The following GPD1L variants were observed in gnomAD, a reference collection of about 807,000 sequenced individuals.
The protein encoded by GPD1L is glycerol-3-phosphate dehydrogenase 1-like protein.
A neutral mutation model predicts 32.9 loss-of-function variants in GPD1L; 17 were observed. That is an observed-to-expected ratio of 0.52 (90% CI 0.35 to 0.78). The LOEUF (loss-of-function observed/expected upper bound fraction) is 0.78. Ranked by LOEUF, GPD1L falls within the 30% of genes least tolerant of loss-of-function variation. The pLI is 0.01. For missense variants in GPD1L, 361 were observed against 447.8 expected, an observed-to-expected ratio of 0.81 and a Z score of 1.75; for synonymous variants, 187 against 165.9, an observed-to-expected ratio of 1.13 and a Z score of -0.98.
chr3:32,159,690 GC>G lies in GPD1L; in HGVS notation c.959+19del. 1 of 1,406,878 alleles carries G rather than the reference GC, an allele frequency of 7.1e-7. No homozygotes were observed. The highest frequency in any genetic ancestry group is 1.0e-6 in the Non-Finnish European group (1 of 991,050). The allele number at this position is 1,406,878 out of a possible 1,614,324, so 87.1% of individuals were successfully genotyped here. A position where few individuals can be genotyped will look rare whatever the true frequency, so the allele number is the denominator to read the frequency against. ...TACTGGACAAGTAAGTCTCTCAGTC[GC>G]CCATGAGACCAGATAAATGTCCATC... On this transcript the variant is annotated intron_variant, in intron 7 of 7. Transcript: ENST00000282541.
At chr3:32,121,783 T>TTCTATATATATATATATA in intron 1 of GPD1L, among the ~76,000 whole-genome samples, 1 of 141,780 alleles carries the variant, frequency 7.1e-6, no homozygotes, top group African/African-American at 2.7e-5. Flanking sequence ...ATATATATAT[T>TTCTATATATATATATATA]TTTTTTAGGC....
Position 32,140,371 on chromosome 3 carries a change from G to A in GPD1L, c.505+5G>A. 1 of 1,614,058 alleles carries A rather than the reference G, an allele frequency of 6.2e-7. No individual in the cohort carries two copies. The highest frequency in any genetic ancestry group is 8.5e-7 in the Non-Finnish European group (1 of 1,179,970). ...AGTTCTGTGAGACCACCATCGGTAA[G>A]CACTGCCTGGGAGGGACCCCAGGAG... On this transcript the variant is annotated splice_donor_5th_base_variant and intron_variant, in intron 4 of 7. Transcript: ENST00000282541.
At chr3:32,150,263 A>G (rs897689029) in intron 5 of GPD1L, among the ~76,000 whole-genome samples, 10 of 152,228 alleles carry the variant, frequency 6.6e-5, no homozygotes, top group Admixed American at 5.2e-4. Flanking sequence ...GTTTGTTTTA[A>G]TATAAATTTT....
chr3:32,164,679 C>CA (rs547050082), intron 7 of GPD1L, among the ~76,000 whole-genome samples: 3 of 151,622 alleles, frequency 2.0e-5, no homozygotes, highest in Non-Finnish European at 4.4e-5. Context: ...TACCTGACTC[C>CA]AAAAAAATAA....
chr3:32,143,958 G>C (rs1304751562), intron 4 of GPD1L, among the ~76,000 whole-genome samples: 2 of 152,122 alleles, frequency 1.3e-5, no homozygotes, highest in Non-Finnish European at 2.9e-5. Context: ...CTCCAGCCTG[G>C]GTGACAGAGC....
chr3:32,164,478 G>C (rs557678928), intron 7 of GPD1L, among the ~76,000 whole-genome samples: 2 of 152,352 alleles, frequency 1.3e-5, no homozygotes, highest in South Asian at 4.1e-4. Flanking sequence ...TCTTGTGGCT[G>C]CTATTATAAG....
intron 4 of GPD1L, among the ~76,000 whole-genome samples, chr3:32,142,477 AATTT>A (rs1286717982): frequency 1.3e-5 from 2 of 152,156 alleles, no homozygotes; most frequent in African/African-American, 4.8e-5. Context: ...TTCTGGAAAA[AATTT>A]ATTTATATTT....
intron 1 of GPD1L, among the ~76,000 whole-genome samples, chr3:32,114,358 C>T (rs1041422548): frequency 2.6e-5 from 4 of 152,226 alleles, no homozygotes; most frequent in South Asian, 2.1e-4. Context: ...AGCTGTAGCA[C>T]GAATTGGGCC....
At chr3:32,151,316 CT>C in intron 5 of GPD1L, 1 of 650,526 alleles carries the variant, frequency 1.5e-6, no homozygotes. Context: ...GAATCTTGCC[CT>C]TAACTTGTTT....
At chr3:32,118,833 C>T (rs974371497) in intron 1 of GPD1L, among the ~76,000 whole-genome samples, 2 of 152,196 alleles carry the variant, frequency 1.3e-5, no homozygotes, top group Non-Finnish European at 2.9e-5. Context: ...ATGAATTTGA[C>T]TACTCTAAGT....
At chr3:32,143,875 G>A (rs987374672) in intron 4 of GPD1L, among the ~76,000 whole-genome samples, 2 of 152,110 alleles carry the variant, frequency 1.3e-5, no homozygotes, top group Non-Finnish European at 1.5e-5. Flanking sequence ...CCAGGTACTC[G>A]AGAGCCTGAG....
At chr3:32,155,999 A>G (rs553906707) in intron 5 of GPD1L, among the ~76,000 whole-genome samples, 1 of 152,126 alleles carries the variant, frequency 6.6e-6, no homozygotes, top group Admixed American at 6.5e-5. Context: ...AGGTGTTCTT[A>G]TGGTCCCTGC....
At chr3:32,126,453 C>T (rs1700509113) in intron 1 of GPD1L, among the ~76,000 whole-genome samples, 1 of 152,192 alleles carries the variant, frequency 6.6e-6, no homozygotes, top group Non-Finnish European at 1.5e-5. Context: ...CAGAACCATA[C>T]TTGTTCTCTA....
intron 2 of GPD1L, among the ~76,000 whole-genome samples, chr3:32,135,087 A>AT (rs1296206156): frequency 2.6e-5 from 4 of 151,888 alleles, no homozygotes; most frequent in Non-Finnish European, 5.9e-5. Context: ...TCAAACCTAT[A>AT]TTTTTTCTCT....
In GPD1L at chr3:32,159,036, T is replaced by C. The variant is rs1431172036; in HGVS notation, c.779T>C (p.Val260Ala). 1 of 1,613,794 alleles carries C rather than the reference T, an allele frequency of 6.2e-7. No homozygotes were observed. Among genetic ancestry groups the C allele is most frequent in the Non-Finnish European group, 8.5e-7 (1 of 1,180,016 alleles). The stretch of plus-strand genomic sequence containing the variant: ...GCCACCTTCCTAGAGAGCTGCGGGG[T>C]GGCCGACCTGATCACCACCTGTTAC... Reference protein sequence around the residue: ...STATFLESCGVADLITTCYGG... With the variant: ...STATFLESCGAADLITTCYGG... Residue 260 changes from valine to alanine, a missense_variant, in exon 6 of 8, where the codon GTG (valine) becomes GCG (alanine). By Grantham distance (64) the Val-to-Ala change is moderately conservative. Transcript: ENST00000282541.
chr3:32,132,975 T>C (rs1311322452), intron 2 of GPD1L, among the ~76,000 whole-genome samples: 1 of 152,214 alleles, frequency 6.6e-6, no homozygotes, highest in Non-Finnish European at 1.5e-5. Flanking sequence ...AGATCTTGGC[T>C]GCAAGTGAGA....
At chr3:32,136,403 C>A (rs77828688) in intron 2 of GPD1L, among the ~76,000 whole-genome samples, 4,496 of 152,266 alleles carry the variant, frequency 0.03, 316 homozygotes, top group East Asian at 0.25. Flanking sequence ...AGTTAAGAAC[C>A]ACCCCTGAAA....
intron 1 of GPD1L, among the ~76,000 whole-genome samples, chr3:32,120,521 T>C (rs1273907745): frequency 6.6e-6 from 1 of 152,154 alleles, no homozygotes; most frequent in African/African-American, 2.4e-5. Flanking sequence ...GGAGGTATAT[T>C]TAACATTCCA....
Position 32,158,950 on chromosome 3 carries a change from C to G in GPD1L, c.693C>G (p.Arg231=). The change falls in exon 6 of 8, where the codon CGC becomes CGG. Residue 231 remains arginine (R), a synonymous_variant. Transcript: ENST00000282541. ...ACAACACCAAAGCGGCCGTCATCCG[C>G]CTGGGACTCATGGAAATGATTGCTT... ...CGDNTKAAVI[R]LGLMEMIAFA... is the part of the protein sequence containing the mutation. 1 of 1,614,134 alleles carries G rather than the reference C, an allele frequency of 6.2e-7. No homozygotes were observed. Among genetic ancestry groups the G allele is most frequent in the Non-Finnish European group, 8.5e-7 (1 of 1,180,030 alleles).
Sources: gnomAD v4.1 joint callset for allele counts (sites outside exome capture counted in the v4.1 genomes callset) on GRCh38, gnomAD v4.1.1 for gene constraint, MANE v1.5 for transcripts, NCBI Gene and HGNC (gene_info 2026-07-23, HGNC 2026-07-21) for gene names.